DLGAP2: variants seen among roughly 807,000 people sequenced by gnomAD.
The protein encoded by DLGAP2 is DLG associated protein 2.
In DLGAP2, 26 loss-of-function variants were observed where a neutral mutation model predicts 100.3. The ratio of observed to expected loss-of-function variants is 0.26; its 90% CI spans 0.19 to 0.36. The LOEUF (loss-of-function observed/expected upper bound fraction) is 0.36. DLGAP2 is among the 10% of genes least tolerant of loss of function. The pLI, the probability that DLGAP2 is intolerant of heterozygous loss-of-function variation, is 1.00. For missense variants in DLGAP2, 1,858 were observed against 1,453.2 expected (o/e 1.28, Z -4.53); for synonymous variants, 886 against 630.1 (o/e 1.41, Z -6.08).
At chr8:903,368 G>A (rs1006612176) in intron 1 of DLGAP2, among the ~76,000 whole-genome samples, 2 of 151,984 alleles carry the variant, frequency 1.3e-5, no homozygotes, top group Non-Finnish European at 2.9e-5. Context: ...TAACTGCAGA[G>A]CCCCCCGGGC....
At chr8:805,214 G>A (rs1796244969) in intron 1 of DLGAP2, among the ~76,000 whole-genome samples, 2 of 152,154 alleles carry the variant, frequency 1.3e-5, no homozygotes, top group South Asian at 4.1e-4. Context: ...TTTTCATGAA[G>A]CTCTGTCAGT....
chr8:1,113,291 G>C (rs936649018), intron 2 of DLGAP2, among the ~76,000 whole-genome samples: 1 of 152,088 alleles, frequency 6.6e-6, no homozygotes, highest in Non-Finnish European at 1.5e-5. Flanking sequence ...AATTGCTTTG[G>C]GCAGTATGGC....
At chr8:1,629,046 C>T (rs923241631) in intron 7 of DLGAP2, among the ~76,000 whole-genome samples, 1 of 152,192 alleles carries the variant, frequency 6.6e-6, no homozygotes, top group African/African-American at 2.4e-5. Context: ...CACTAAAGCC[C>T]TCCTGGCTGC....
intron 2 of DLGAP2, among the ~76,000 whole-genome samples, chr8:1,180,757 G>GGGCA (rs911380792): frequency 2.0e-5 from 3 of 152,042 alleles, no homozygotes; most frequent in African/African-American, 7.2e-5. Context: ...GGGTGTGCCA[G>GGGCA]GGCAGTACAG....
At chr8:798,403 C>T (rs566480671) in intron 1 of DLGAP2, among the ~76,000 whole-genome samples, 26 of 145,044 alleles carry the variant, frequency 1.8e-4, no homozygotes, top group Admixed American at 9.0e-4. Context: ...TGCCTGCTTC[C>T]GTTGGCACTG....
intron 6 of DLGAP2, among the ~76,000 whole-genome samples, chr8:1,581,709 A>G (rs1803268591): frequency 6.6e-6 from 1 of 151,906 alleles, no homozygotes; most frequent in Admixed American, 6.6e-5. Flanking sequence ...CCGCAGTCAA[A>G]CTACCAGAAG....
At chr8:1,346,959 G>A (rs908082715) in intron 3 of DLGAP2, among the ~76,000 whole-genome samples, 15 of 151,778 alleles carry the variant, frequency 9.9e-5, no homozygotes, top group Non-Finnish European at 1.8e-4. Context: ...CTCTGTGGAA[G>A]TTGAGTTCCC....
chr8:1,004,499 C>G (rs1177631079), intron 2 of DLGAP2, among the ~76,000 whole-genome samples: 2 of 152,182 alleles, frequency 1.3e-5, no homozygotes, highest in Admixed American at 1.3e-4. Context: ...GAGTCGGCCA[C>G]AATCAGGGTT....
chr8:1,086,342 G>A (rs952504451), intron 2 of DLGAP2, among the ~76,000 whole-genome samples: 1 of 152,128 alleles, frequency 6.6e-6, no homozygotes, highest in Non-Finnish European at 1.5e-5. Context: ...TGTTTTGGGT[G>A]TCAGAGAAAA....
chr8:1,377,909 G>C (rs1359002863), intron 3 of DLGAP2: 1 of 152,318 alleles, frequency 6.6e-6, no homozygotes, highest in Admixed American at 6.5e-5. Flanking sequence ...TCTGTCTGGG[G>C]GTGGCAGCCC....
chr8:1,645,364 G>A (rs1427488630), intron 8 of DLGAP2, among the ~76,000 whole-genome samples: 1 of 152,204 alleles, frequency 6.6e-6, no homozygotes, highest in East Asian at 1.9e-4. Context: ...TAAGTGAGAC[G>A]ATGTTGGCCA....
chr8:1,288,555 T>TG, intron 3 of DLGAP2, among the ~76,000 whole-genome samples: 1 of 46,512 alleles, frequency 2.1e-5, no homozygotes, highest in Non-Finnish European at 3.7e-5. Context: ...TGTGTGTGTG[T>TG]GTGTGGTTAG....
intron 4 of DLGAP2, among the ~76,000 whole-genome samples, chr8:1,516,818 G>A (rs187759954): frequency 1.3e-5 from 2 of 152,236 alleles, no homozygotes; most frequent in African/African-American, 4.8e-5. Context: ...TGAGTGAAAG[G>A]CACAATCAGG....
intron 2 of DLGAP2, among the ~76,000 whole-genome samples, chr8:1,129,911 T>C (rs1796250350): frequency 6.6e-6 from 1 of 152,208 alleles, no homozygotes. Context: ...GAACGCTGAC[T>C]GTGAATTCAG....
chr8:1,625,188 C>G lies in DLGAP2; in HGVS notation c.1443-1552C>G, dbSNP rs1797460551. The stretch of plus-strand genomic sequence containing the variant: ...AACATCTATAGACATTTTTATGTAC[C>G]TGCTTGTGCACTGATATTTAATGTT... On this transcript the variant is annotated intron_variant, in intron 6 of 14. Transcript: ENST00000637795. Among the ~76,000 whole-genome samples, 4 of 152,156 alleles carry G rather than the reference C, an allele frequency of 2.6e-5. No homozygotes were observed. The South Asian group carries it at 8.3e-4, about 32-fold the overall frequency.
At chr8:1,531,722 C>T (rs192227682) in intron 4 of DLGAP2, among the ~76,000 whole-genome samples, 8 of 152,232 alleles carry the variant, frequency 5.3e-5, no homozygotes, top group Admixed American at 3.3e-4. Flanking sequence ...CTGACCAACT[C>T]GTGTGGTCTT....
chr8:836,098 C>T lies in DLGAP2; in HGVS notation c.19-71814C>T, dbSNP rs140053493. Among the ~76,000 whole-genome samples, 327 of 152,336 alleles carry T rather than the reference C, an allele frequency of 2.1e-3. 1 individual carries two copies. The highest frequency in any genetic ancestry group is 6.8e-3 in the African/African-American group (281 of 41,588). On this transcript the variant is annotated intron_variant, in intron 1 of 14. Coordinates refer to ENST00000637795, the MANE Select transcript of DLGAP2 (RefSeq NM_001346810.2). ...GCAGCCATGGAGCACAGCGGCGGCG[C>T]AACAGCTGTGTTGTTCCTGAACGCT... is the stretch of plus-strand genomic sequence containing the variant.
chr8:1,588,895 C>A (rs1456650910), intron 6 of DLGAP2, among the ~76,000 whole-genome samples: 1 of 152,160 alleles, frequency 6.6e-6, no homozygotes, highest in Admixed American at 6.5e-5. Flanking sequence ...GCACTCCAAC[C>A]TGGGCGACAG....
intron 3 of DLGAP2, among the ~76,000 whole-genome samples, chr8:1,310,679 A>T (rs1800593373): frequency 6.6e-6 from 1 of 152,026 alleles, no homozygotes; most frequent in African/African-American, 2.4e-5. Flanking sequence ...GTTTTTTGAG[A>T]TGGAGTCTCA....
Sources: gnomAD v4.1 joint callset for allele counts (sites outside exome capture counted in the v4.1 genomes callset) on GRCh38, gnomAD v4.1.1 for gene constraint, MANE v1.5 for transcripts, NCBI Gene and HGNC (gene_info 2026-07-23, HGNC 2026-07-21) for gene names.